QDPR: variants seen among roughly 807,000 people sequenced by gnomAD.
The protein encoded by QDPR is dihydropteridine reductase.
A neutral mutation model predicts 31.7 loss-of-function variants in QDPR; 23 were observed. The ratio of observed to expected loss-of-function variants is 0.73; its 90% CI spans 0.52 to 1.03. The LOEUF (loss-of-function observed/expected upper bound fraction) is 1.03. QDPR is among the 50% of genes least tolerant of loss of function. The pLI, the probability that QDPR is intolerant of heterozygous loss-of-function variation, is 0.00. For missense variants in QDPR, 324 were observed against 323.8 expected, an observed-to-expected ratio of 1.00 and a Z score of 0.00; for synonymous variants, 124 against 124.7, an observed-to-expected ratio of 0.99 and a Z score of 0.03.
rs2108986715 is a variant in QDPR at position 17,490,713 on chromosome 4, G to A, written c.578C>T (p.Ser193Leu). Reference sequence around the variant, plus strand: ...GGAGCTGAAGTCAGCCTCAGGCATTGATTTCCTGTTCATCGGGGTATCCAG... The same window carrying A: ...GGAGCTGAAGTCAGCCTCAGGCATTAATTTCCTGTTCATCGGGGTATCCAG... ...VTLDTPMNRK[S>L]MPEADFSSWT... The change falls in exon 6 of 7, where the codon TCA becomes TTA. Residue 193 changes from serine (S) to leucine (L), a missense_variant. Coordinates refer to ENST00000281243, the MANE Select transcript of QDPR (RefSeq NM_000320.3). The A allele has an allele frequency of 1.9e-6, 3 of 1,614,026 alleles. No homozygotes were observed.
intron 1 of QDPR, 89 bp downstream of exon 1, chr4:17,511,861 C>T: frequency 2.9e-6 from 4 of 1,398,440 alleles, no homozygotes; most frequent in Non-Finnish European, 3.9e-6. Context: ...GGGGCCCCCA[C>T]CTTCCTCTAG....
chr4:17,494,731 C>A (rs879466636), intron 4 of QDPR, among the ~76,000 whole-genome samples: 3 of 152,140 alleles, frequency 2.0e-5, no homozygotes, highest in Non-Finnish European at 4.4e-5. Flanking sequence ...TCTTTTTCCT[C>A]GGACAGCAAT....
Position 17,486,915 on chromosome 4 carries a change from G to A in QDPR, c.*216C>T. ...CCTATGCAGTTAACACAGATCAACG[G>A]ATGCTATTTGCAGGCCACCAGTCTC... is the stretch of plus-strand genomic sequence containing the variant. On this transcript the variant is annotated 3_prime_UTR_variant, in exon 7 of 7. Coordinates refer to ENST00000281243, the MANE Select transcript of QDPR (RefSeq NM_000320.3). 1 of 588,850 alleles carries A rather than the reference G, an allele frequency of 1.7e-6. No individual in the cohort carries two copies. Among genetic ancestry groups the A allele is most frequent in the South Asian group, 1.9e-5 (1 of 52,842 alleles). The allele number at this position is 588,850 out of a possible 1,614,324, so 36.5% of individuals were successfully genotyped here.
chr4:17,505,892 AG>A (rs1021393554), intron 2 of QDPR, among the ~76,000 whole-genome samples: 24 of 152,284 alleles, frequency 1.6e-4, no homozygotes, highest in Middle Eastern at 3.4e-3. Flanking sequence ...AGATTTTCAA[AG>A]AAAAGTTTAT....
chr4:17,487,481 C>G (rs1718008130), intron 6 of QDPR, among the ~76,000 whole-genome samples: 2 of 151,428 alleles, frequency 1.3e-5, no homozygotes, highest in African/African-American at 4.9e-5. Flanking sequence ...GAAACCCCAT[C>G]TCTACTAAAA....
At chr4:17,495,278 G>A (rs1011224181) in intron 4 of QDPR, among the ~76,000 whole-genome samples, 2 of 152,144 alleles carry the variant, frequency 1.3e-5, no homozygotes, top group East Asian at 3.9e-4. Flanking sequence ...CCTGGAAAGG[G>A]GCTGCCAGGG....
rs1227141949 is a variant in QDPR at position 17,511,965 on chromosome 4, A to G, written c.90T>C (p.Phe30=). The change falls in exon 1 of 7, where the codon TTT becomes TTC. Residue 30 remains phenylalanine, a synonymous_variant. Coordinates refer to ENST00000281243, the MANE Select transcript of QDPR (RefSeq NM_000320.3). The part of the protein sequence containing the change: ...GALGSRCVQA[F]RARNWWVASV... ...GCAGCATTACCCAGTTGCGGGCCCG[A>G]AAAGCCTGCACGCATCGAGAACCCA... 6.2e-7 allele frequency: 1 copy of G among 1,610,672 alleles called. No homozygotes were observed. The highest frequency in any genetic ancestry group is 1.3e-5 in the African/African-American group (1 of 74,760).
At position 17,491,921 on chromosome 4, in the gene QDPR, T is replaced by C. The variant is rs866202258; in HGVS notation, c.545+311A>G. Among the ~76,000 whole-genome samples the C allele has an allele frequency of 2.6e-4, 39 of 152,228 alleles. No individual in the cohort carries two copies. The South Asian group carries it at 3.1e-3, about 12-fold the overall frequency. On this transcript the variant is annotated intron_variant, in intron 5 of 6. Coordinates refer to ENST00000281243, the MANE Select transcript of QDPR (RefSeq NM_000320.3). ...GCCCCTTCCACCGTGTGAGCACATATAGAAGGCGCCATCTATGAGGAATGA... is the reference window on the plus strand; with the variant it reads ...GCCCCTTCCACCGTGTGAGCACATACAGAAGGCGCCATCTATGAGGAATGA...
intron 2 of QDPR, among the ~76,000 whole-genome samples, chr4:17,505,699 T>C (rs578200729): frequency 2.0e-5 from 3 of 152,296 alleles, no homozygotes; most frequent in South Asian, 4.1e-4. Context: ...ATTTAGTTTT[T>C]TTTAAAAAAG....
chr4:17,496,249 C>T (rs546114563), intron 4 of QDPR, among the ~76,000 whole-genome samples: 10 of 151,726 alleles, frequency 6.6e-5, no homozygotes, highest in African/African-American at 2.2e-4. Flanking sequence ...AGTTCAAGAC[C>T]AGCCTGACCA....
intron 4 of QDPR, among the ~76,000 whole-genome samples, chr4:17,493,140 G>C (rs909049737): frequency 1.3e-5 from 2 of 152,184 alleles, no homozygotes; most frequent in African/African-American, 4.8e-5. Flanking sequence ...CTGGGTGTCT[G>C]ACAATTCAAT....
At position 17,512,089 on chromosome 4, in the gene QDPR, A is replaced by C; in HGVS notation, c.-35T>G. 6.6e-7 allele frequency: 1 copy of C among 1,506,954 alleles called. No homozygotes were observed. The highest frequency in any genetic ancestry group is 8.9e-7 in the Non-Finnish European group (1 of 1,129,116). The allele number at this position is 1,506,954 out of a possible 1,614,324, so 93.3% of individuals were successfully genotyped here. On this transcript the variant is annotated 5_prime_UTR_variant, in exon 1 of 7. Coordinates refer to ENST00000281243, the MANE Select transcript of QDPR (RefSeq NM_000320.3). Reference sequence around the variant, plus strand: ...GCCAGCCCGGCTCCCGCAGCTCCGAATGCCTCGAGCCGGAGCGCCGCGCCC... The same window carrying C: ...GCCAGCCCGGCTCCCGCAGCTCCGACTGCCTCGAGCCGGAGCGCCGCGCCC...
intron 2 of QDPR, among the ~76,000 whole-genome samples, chr4:17,508,363 C>T (rs530299209): frequency 1.5e-4 from 23 of 152,260 alleles, no homozygotes; most frequent in South Asian, 6.2e-4. Flanking sequence ...TGTTTGAATC[C>T]GGGAGGCAGA....
At chr4:17,501,333 C>T (rs1358434732) in intron 4 of QDPR, among the ~76,000 whole-genome samples, 1 of 152,172 alleles carries the variant, frequency 6.6e-6, no homozygotes, top group Non-Finnish European at 1.5e-5. Context: ...ATGAACCTCT[C>T]TCATTTTAAA....
chr4:17,499,818 G>A (rs1323190804), intron 4 of QDPR, among the ~76,000 whole-genome samples: 6 of 152,146 alleles, frequency 3.9e-5, no homozygotes, highest in Admixed American at 2.6e-4. Flanking sequence ...TACTCAGGAG[G>A]CCGAGGCAAA....
chr4:17,496,888 C>G (rs1438124937), intron 4 of QDPR, among the ~76,000 whole-genome samples: 1 of 152,102 alleles, frequency 6.6e-6, no homozygotes, highest in African/African-American at 2.4e-5. Context: ...TCCTGAGTAG[C>G]TGGGATTACA....
chr4:17,507,748 C>T lies in QDPR; in HGVS notation c.198+1523G>A, dbSNP rs138472956. On this transcript the variant is annotated intron_variant, in intron 2 of 6. Transcript: ENST00000281243. ...CCTCCCGAGTAGCTGGGACTACAGG[C>T]GTGCACCACCACGCTCAGCTAATTT... Among the ~76,000 whole-genome samples the T allele has an allele frequency of 1.0e-3, 155 of 152,136 alleles. 2 individuals carry two copies. The East Asian group carries it at 0.028, about 27-fold the overall frequency.
At chr4:17,493,730 T>C (rs1718252268) in intron 4 of QDPR, among the ~76,000 whole-genome samples, 1 of 152,192 alleles carries the variant, frequency 6.6e-6, no homozygotes, top group African/African-American at 2.4e-5. Context: ...TCAACCCAGA[T>C]GCTTATCACA....
rs756112758 is a variant in QDPR at position 17,509,303 on chromosome 4, T to C, written c.166A>G (p.Met56Val). The change falls in exon 2 of 7, where the codon ATG (methionine) becomes GTG (valine). Residue 56 changes from methionine (M) to valine (V), a missense_variant. By Grantham distance (21) the Met-to-Val change is conservative. Transcript: ENST00000281243. Reference sequence around the variant, plus strand: ...GCCTGCTCAGTGAACGAGTCTGTCATTTTAACAATGATGCTAGCGCTGGCC... The same window carrying C: ...GCCTGCTCAGTGAACGAGTCTGTCACTTTAACAATGATGCTAGCGCTGGCC... ...EEASASIIVK[M>V]TDSFTEQADQ... The C allele has an allele frequency of 6.2e-7, 1 of 1,614,144 alleles. No individual in the cohort carries two copies. The highest frequency in any genetic ancestry group is 2.2e-5 in the East Asian group (1 of 44,880).
Sources: allele counts gnomAD v4.1 joint callset (sites outside exome capture counted in the v4.1 genomes callset), GRCh38; gene constraint gnomAD v4.1.1; transcripts MANE v1.5; gene names NCBI Gene and HGNC (gene_info 2026-07-23, HGNC 2026-07-21).